The following ZNF426 variants were observed in gnomAD, a reference collection of about 807,000 sequenced individuals.
ZNF426 encodes zinc finger protein 426.
A neutral mutation model predicts 24.0 loss-of-function variants in ZNF426; 23 were observed. The observed-to-expected ratio is 0.96, with a 90% CI of 0.69 to 1.36. ZNF426 has a LOEUF of 1.36. ZNF426 is among the 40% of genes most tolerant of loss of function. The pLI is 0.00. For synonymous variants in ZNF426, 272 were observed against 224.6 expected, an observed-to-expected ratio of 1.21 and a Z score of -1.89; for missense variants, 646 against 658.4, an observed-to-expected ratio of 0.98 and a Z score of 0.21.
intron 4 of ZNF426, among the ~76,000 whole-genome samples, chr19:9,534,315 C>A (rs2073932792): frequency 6.6e-6 from 1 of 152,080 alleles, no homozygotes; most frequent in Non-Finnish European, 1.5e-5. Flanking sequence ...AAGCAACTCT[C>A]CTGCTTCAGC....
chr19:9,534,605 A>AT (rs886550171), intron 4 of ZNF426, among the ~76,000 whole-genome samples: 10 of 146,318 alleles, frequency 6.8e-5, no homozygotes, highest in Non-Finnish European at 1.4e-4. Context: ...TTTTTTTTTA[A>AT]TTTTTTTGAG....
intron 6 of ZNF426, among the ~76,000 whole-genome samples, chr19:9,531,791 T>C (rs1435689091): frequency 1.3e-5 from 2 of 152,180 alleles, no homozygotes; most frequent in African/African-American, 4.8e-5. Context: ...GAGATTATCC[T>C]GGCTAACACG....
At chr19:9,534,496 T>G (rs1428183782) in intron 4 of ZNF426, among the ~76,000 whole-genome samples, 1 of 152,204 alleles carries the variant, frequency 6.6e-6, no homozygotes, top group Non-Finnish European at 1.5e-5. Context: ...TGAGCCACTG[T>G]GCCCGCCCAA....
At chr19:9,533,016 G>A (rs1287441846) in intron 5 of ZNF426, 91 bp from the exon 6 acceptor site, 1 of 1,120,596 alleles carries the variant, frequency 8.9e-7, no homozygotes, top group African/African-American at 1.6e-5. Context: ...TAATGAAAGT[G>A]GTGAAGCTAT....
At position 9,532,879 on chromosome 19, in the gene ZNF426, T is replaced by C. The variant is rs1252759438; in HGVS notation, c.291A>G (p.Glu97=). ...KPSLISWLEQ[E]ESRTVQGGVL... ...CTCCTCCCTGAACTGTCCTTGACTC[T>C]TCTTGTTCCAACCAAGAGATTAGAC... The change falls in exon 6 of 8, where the codon GAA becomes GAG. Residue 97 remains glutamate, a synonymous_variant. Transcript: ENST00000253115. The C allele has an allele frequency of 6.2e-7, 1 of 1,614,150 alleles. No homozygotes were observed. The highest frequency in any genetic ancestry group is 1.7e-5 in the Admixed American group (1 of 60,020).
Position 9,536,275 on chromosome 19 carries a change from T to C in ZNF426, c.-43A>G. ...TGTCAGAACCCTCCTTTCATTGATG[T>C]CACCATCACTTCAGGACACCTCATT... On this transcript the variant is annotated 5_prime_UTR_variant, in exon 3 of 8. Transcript: ENST00000253115. 1 of 1,614,180 alleles carries C rather than the reference T, an allele frequency of 6.2e-7. No homozygotes were observed. The highest frequency in any genetic ancestry group is 1.3e-5 in the African/African-American group (1 of 75,060).
rs1235863433 is a variant in ZNF426 at position 9,525,999 on chromosome 19, G to T, written c.*2381C>A. On this transcript the variant is annotated 3_prime_UTR_variant, in exon 8 of 8. Coordinates refer to ENST00000253115, the MANE Select transcript of ZNF426 (RefSeq NM_024106.3). ...GCCACCACACCTGGAGTTTTAGTCA[G>T]AGCTTCAGTGACCTGGAGGAAGGGA... is the stretch of plus-strand genomic sequence containing the variant. The T allele has an allele frequency of 6.6e-6, 1 of 152,050 alleles. No individual in the cohort carries two copies. Among genetic ancestry groups the T allele is most frequent in the Non-Finnish European group, 1.5e-5 (1 of 68,062 alleles). 9.4% of individuals were successfully genotyped at this position (152,050 alleles called of 1,614,324 possible).
chr19:9,537,607 A>G (rs1453635739), intron 2 of ZNF426, among the ~76,000 whole-genome samples: 1 of 147,030 alleles, frequency 6.8e-6, no homozygotes, highest in African/African-American at 2.5e-5. Flanking sequence ...TTTTTTTTTC[A>G]TTGATATACA....
chr19:9,538,519 C>T (rs1030023457), intron 1 of ZNF426, 56 bp downstream of exon 1: 2 of 152,240 alleles, frequency 1.3e-5, no homozygotes, highest in Non-Finnish European at 2.9e-5. Flanking sequence ...GCCTCTCTAA[C>T]GTCCGGGCCA....
At chr19:9,535,113 TCTGC>T in intron 4 of ZNF426, 71 bp downstream of exon 4, 1 of 805,232 alleles carries the variant, frequency 1.2e-6, no homozygotes, top group Non-Finnish European at 1.9e-6. Flanking sequence ...TGGAGACAAC[TCTGC>T]CTAGAGGGAA....
intron 2 of ZNF426, 104 bp from the exon 3 acceptor site, chr19:9,536,460 G>A: frequency 8.4e-7 from 1 of 1,188,724 alleles, no homozygotes; most frequent in Non-Finnish European, 1.2e-6. Flanking sequence ...CAGCATTTTG[G>A]GAGGCCAGGG....
intron 3 of ZNF426, 83 bp from the exon 4 acceptor site, chr19:9,535,362 T>C: frequency 1.0e-6 from 1 of 962,796 alleles, no homozygotes; most frequent in South Asian, 1.5e-5. Context: ...CCTCCTAGTA[T>C]GAAATTCCCA....
At position 9,530,879 on chromosome 19, in the gene ZNF426, G is replaced by A. The variant is rs114492933; in HGVS notation, c.408+106C>T. The stretch of plus-strand genomic sequence containing the variant: ...CTAAATTCTTTGCTCCCTCTCATGT[G>A]TATGCAACTTCTCTCAAATATCTCT... On this transcript the variant is annotated intron_variant, in intron 7 of 7. Transcript: ENST00000253115. 1.5e-3 allele frequency: 1,312 copies of A among 864,716 alleles called. 14 individuals are homozygous for A. The African/African-American group carries it at 0.02, about 13-fold the overall frequency. The allele number at this position is 864,716 out of a possible 1,614,324, so 53.6% of individuals were successfully genotyped here. A position where few individuals can be genotyped will look rare whatever the true frequency, so the allele number is the denominator to read the frequency against.
chr19:9,526,765 C>T lies in ZNF426; in HGVS notation c.*1615G>A, dbSNP rs529423506. 3.9e-5 allele frequency: 6 copies of T among 151,990 alleles called. No homozygotes were observed. The East Asian group carries it at 1.2e-3, about 29-fold the overall frequency. The allele number at this position is 151,990 out of a possible 1,614,324, so 9.4% of individuals were successfully genotyped here. ...CACCAAGAAGGACGAGCACCAAAAACCTATACCTAGGCATATCATTTAAAA... is the reference window on the plus strand; with the variant it reads ...CACCAAGAAGGACGAGCACCAAAAATCTATACCTAGGCATATCATTTAAAA... On this transcript the variant is annotated 3_prime_UTR_variant, in exon 8 of 8. Transcript: ENST00000253115.
rs1013979320 is a variant in ZNF426 at position 9,525,441 on chromosome 19, C to A, written c.*2939G>T. On this transcript the variant is annotated 3_prime_UTR_variant, in exon 8 of 8. Transcript: ENST00000253115. ...CATAGGGCTCTGTCCACCATGAGTTCATGTTTAAGAAAGGCTGAGCATTGA... is the reference window on the plus strand; with the variant it reads ...CATAGGGCTCTGTCCACCATGAGTTAATGTTTAAGAAAGGCTGAGCATTGA... The A allele has an allele frequency of 4.6e-5, 7 of 152,054 alleles. No individual in the cohort carries two copies. The highest frequency in any genetic ancestry group is 1.5e-5 in the Non-Finnish European group (1 of 68,064). The allele number at this position is 152,054 out of a possible 1,614,324, so 9.4% of individuals were successfully genotyped here.
chr19:9,530,727 C>T (rs961263432), intron 7 of ZNF426, among the ~76,000 whole-genome samples: 21 of 152,202 alleles, frequency 1.4e-4, no homozygotes, highest in African/African-American at 5.1e-4. Flanking sequence ...TGCACCACTG[C>T]ACTCCAGCCT....
intron 6 of ZNF426, among the ~76,000 whole-genome samples, chr19:9,532,350 A>G (rs115589030): frequency 0.031 from 4,322 of 141,230 alleles, 218 homozygotes; most frequent in African/African-American, 0.11. Flanking sequence ...AGGCTGGAGT[A>G]CAGTGGTGCA....
Position 9,536,319 on chromosome 19 carries a change from C to A in ZNF426, c.-87G>T, listed in dbSNP as rs1568488107. 4 of 1,612,500 alleles carry A rather than the reference C, an allele frequency of 2.5e-6. No individual in the cohort carries two copies. The highest frequency in any genetic ancestry group is 3.4e-6 in the Non-Finnish European group (4 of 1,179,396). On this transcript the variant is annotated 5_prime_UTR_variant, in exon 3 of 8. Transcript: ENST00000253115. Reference sequence around the variant, plus strand: ...CCTCATTAATCTAAATGGACAGTGGCAATCTCCATTCCTCTTTAAACAGGG... The same window carrying A: ...CCTCATTAATCTAAATGGACAGTGGAAATCTCCATTCCTCTTTAAACAGGG...
intron 6 of ZNF426, 93 bp downstream of exon 6, chr19:9,532,752 C>A: frequency 1.1e-6 from 1 of 898,740 alleles, no homozygotes; most frequent in Admixed American, 2.1e-5. Context: ...GTTTAGAGTG[C>A]AGGGAGAAAG....
Sources: allele counts gnomAD v4.1 joint callset (sites outside exome capture counted in the v4.1 genomes callset), GRCh38; gene constraint gnomAD v4.1.1; transcripts MANE v1.5; gene names NCBI Gene and HGNC (gene_info 2026-07-23, HGNC 2026-07-21).